The following FAM53B variants were observed in gnomAD, a reference collection of about 807,000 sequenced individuals.
FAM53B encodes the protein family with sequence similarity 53 member B.
Under a neutral mutation model 32.7 loss-of-function variants are expected in FAM53B, and 12 were observed. The ratio of observed to expected loss-of-function variants is 0.37; its 90% confidence interval spans 0.24 to 0.59. The LOEUF (loss-of-function observed/expected upper bound fraction) is 0.59. Ranked by LOEUF, FAM53B falls within the 20% of genes least tolerant of loss-of-function variation. The pLI, the probability that FAM53B is intolerant of heterozygous loss-of-function variation, is 0.72. For synonymous variants in FAM53B, 234 were observed against 228.7 expected (o/e 1.02, Z -0.21); for missense variants, 477 against 577.7 (o/e 0.83, Z 1.79).
At position 124,733,996 on chromosome 10, in the gene FAM53B, C is replaced by T. The variant is rs1162185434; in HGVS notation, c.-175+10017G>A. 6.6e-6 allele frequency among the ~76,000 whole-genome samples: 1 copy of T among 152,196 alleles called. No homozygotes were observed. Among genetic ancestry groups the T allele is most frequent in the Non-Finnish European group, 1.5e-5 (1 of 68,034 alleles). ...CTGGTCTCGAATGTCTCCTCCTCCC[C>T]GTTCTTCATCTGTCTAAACTCCTGC... On this transcript the variant is annotated intron_variant, in intron 1 of 4. Coordinates refer to ENST00000337318, the MANE Select transcript of FAM53B (RefSeq NM_014661.4). The surrounding 1 kb of genome is among the most constrained non-coding windows in gnomAD (Gnocchi z 4.3).
intron 2 of FAM53B, among the ~76,000 whole-genome samples, chr10:124,701,399 G>A (rs1949914201): frequency 6.6e-6 from 1 of 152,352 alleles, no homozygotes; most frequent in African/African-American, 2.4e-5. Flanking sequence ...GTTGTTACGT[G>A]GAAAGTCAGG....
chr10:124,642,256 T>C (rs1949480805), intron 4 of FAM53B, among the ~76,000 whole-genome samples: 1 of 152,194 alleles, frequency 6.6e-6, no homozygotes, highest in African/African-American at 2.4e-5. Flanking sequence ...CAGCAGGTCC[T>C]AGAGATCTTA....
chr10:124,719,250 G>C (rs912486759), intron 1 of FAM53B, among the ~76,000 whole-genome samples: 1 of 152,064 alleles, frequency 6.6e-6, no homozygotes, highest in African/African-American at 2.4e-5. Flanking sequence ...GGGGGAACAG[G>C]AGAAGAAAGG....
chr10:124,623,646 C>A, intron 4 of FAM53B, 42 bp from the exon 5 acceptor site: 2 of 1,569,544 alleles, frequency 1.3e-6, no homozygotes, highest in Non-Finnish European at 8.6e-7. Context: ...GGTTACTCCC[C>A]TCCCGCAGCC....
At chr10:124,671,587 C>T (rs1949707269) in intron 4 of FAM53B, among the ~76,000 whole-genome samples, 1 of 152,214 alleles carries the variant, frequency 6.6e-6, no homozygotes, top group Non-Finnish European at 1.5e-5. Context: ...ACAGCGGGGG[C>T]CTCCATACCG....
At chr10:124,626,550 T>C (rs1589729169) in intron 4 of FAM53B, among the ~76,000 whole-genome samples, 1 of 152,152 alleles carries the variant, frequency 6.6e-6, no homozygotes, top group Non-Finnish European at 1.5e-5. Context: ...GTGCCAACTA[T>C]GAAGAGCAGG....
In FAM53B at chr10:124,681,773, T is replaced by G. The variant is rs1188897377; in HGVS notation, c.740A>C (p.Asn247Thr). 3 of 1,608,900 alleles carry G rather than the reference T, an allele frequency of 1.9e-6. No homozygotes were observed. Among genetic ancestry groups the G allele is most frequent in the Non-Finnish European group, 2.5e-6 (3 of 1,177,776 alleles). Residue 247 changes from asparagine (N) to threonine (T), a missense_variant, in exon 4 of 5, where the codon AAC becomes ACC. Asn to Thr is a moderately conservative substitution (Grantham distance 65). Transcript: ENST00000337318. ...CTCTGGTGTTGAGGCAGGTGTGCTGTTGGCTGAGGGAGGACAGTATTCCAC... is the reference window on the plus strand; with the variant it reads ...CTCTGGTGTTGAGGCAGGTGTGCTGGTGGCTGAGGGAGGACAGTATTCCAC... ...SFVEYCPPSA[N>T]STPASTPELA... is the part of the protein sequence containing the mutation.
At chr10:124,701,863 T>C (rs1035950081) in intron 2 of FAM53B, among the ~76,000 whole-genome samples, 3 of 152,238 alleles carry the variant, frequency 2.0e-5, no homozygotes, top group Admixed American at 6.5e-5. Context: ...TTTCCCTTTT[T>C]CCCACATCTT....
chr10:124,720,437 G>A (rs893632516), intron 1 of FAM53B, among the ~76,000 whole-genome samples: 1 of 152,168 alleles, frequency 6.6e-6, no homozygotes, highest in Non-Finnish European at 1.5e-5. Context: ...TCCAGCCTGG[G>A]CAATAAAGTG....
rs575316302 is a variant in FAM53B at position 124,623,154 on chromosome 10, T to C, written c.*88A>G. On this transcript the variant is annotated 3_prime_UTR_variant, in exon 5 of 5. Transcript: ENST00000337318. ...AGGAAGCTTTCATCAGGCCCACGAG[T>C]TGGGCTCCCCTTCAAGGGCCCACCT... 4.1e-6 allele frequency: 6 copies of C among 1,460,634 alleles called. No homozygotes were observed. The highest frequency in any genetic ancestry group is 5.5e-6 in the Non-Finnish European group (6 of 1,093,418). The allele number at this position is 1,460,634 out of a possible 1,614,324, so 90.5% of individuals were successfully genotyped here. A position where few individuals can be genotyped will look rare whatever the true frequency, so the allele number is the denominator to read the frequency against.
chr10:124,675,404 G>T (rs1368144911), intron 4 of FAM53B, among the ~76,000 whole-genome samples: 2 of 152,158 alleles, frequency 1.3e-5, no homozygotes, highest in African/African-American at 2.4e-5. Context: ...CCAGGACACT[G>T]CCCAGAGCAG....
Position 124,619,464 on chromosome 10 carries a change from A to G in FAM53B, c.*3778T>C, listed in dbSNP as rs1167073807. 6.6e-6 allele frequency: 1 copy of G among 152,374 alleles called. No homozygotes were observed. The highest frequency in any genetic ancestry group is 1.5e-5 in the Non-Finnish European group (1 of 68,006). 9.4% of individuals were successfully genotyped at this position (152,374 alleles called of 1,614,324 possible). A position where few individuals can be genotyped will look rare whatever the true frequency, so the allele number is the denominator to read the frequency against. ...TTCTGGTCGCCACACTTCCTGAAGC[A>G]CGGCAACACCCACAACATCCAGCTC... On this transcript the variant is annotated 3_prime_UTR_variant, in exon 5 of 5. Transcript: ENST00000337318.
chr10:124,720,581 T>C (rs1476342207), intron 1 of FAM53B, among the ~76,000 whole-genome samples: 1 of 152,196 alleles, frequency 6.6e-6, no homozygotes, highest in African/African-American at 2.4e-5. Context: ...AGGTTGACAT[T>C]GAAGCACCAA....
rs376025810 is a variant in FAM53B at position 124,637,934 on chromosome 10, G to GC, written c.907-14331dup. Among the ~76,000 whole-genome samples, 761 of 152,310 alleles carry GC rather than the reference G, an allele frequency of 5.0e-3. 10 individuals are homozygous for GC. Among genetic ancestry groups the GC allele is most frequent in the African/African-American group, 0.018 (739 of 41,560 alleles). On this transcript the variant is annotated intron_variant, in intron 4 of 4. Coordinates refer to ENST00000337318, the MANE Select transcript of FAM53B (RefSeq NM_014661.4). Reference sequence around the variant, plus strand: ...AGGGAATTTCGCTCTCCATTCTGGAGCCCCCCGCACCCAGGAGCTGGTGGG... The same window carrying GC: ...AGGGAATTTCGCTCTCCATTCTGGAGCCCCCCCGCACCCAGGAGCTGGTGGG...
intron 1 of FAM53B, among the ~76,000 whole-genome samples, chr10:124,716,768 C>G (rs572965227): frequency 2.6e-5 from 4 of 151,938 alleles, no homozygotes; most frequent in East Asian, 1.9e-4. Flanking sequence ...AGGAAGGAGA[C>G]GAGGGACAAG....
chr10:124,644,604 C>A (rs1333826896), intron 4 of FAM53B, among the ~76,000 whole-genome samples: 1 of 152,198 alleles, frequency 6.6e-6, no homozygotes, highest in Non-Finnish European at 1.5e-5. Context: ...AGGAACAGCT[C>A]AGAAATGTAC....
intron 1 of FAM53B, among the ~76,000 whole-genome samples, chr10:124,725,700 T>C (rs754955763): frequency 7.2e-5 from 11 of 152,010 alleles, no homozygotes; most frequent in Non-Finnish European, 1.6e-4. Context: ...AGATGGACAG[T>C]GGATGGTGTG....
intron 4 of FAM53B, among the ~76,000 whole-genome samples, chr10:124,628,450 G>A (rs369891211): frequency 5.3e-4 from 81 of 152,336 alleles, no homozygotes; most frequent in African/African-American, 1.8e-3. Flanking sequence ...GTTCCGGAGA[G>A]GAGAGTGGGA....
At chr10:124,711,850 A>C (rs946943825) in intron 1 of FAM53B, among the ~76,000 whole-genome samples, 7 of 152,062 alleles carry the variant, frequency 4.6e-5, no homozygotes, top group African/African-American at 1.7e-4. Context: ...CCAGGAGTTC[A>C]AGACCAGCCT....
Sources: gnomAD v4.1 joint callset for allele counts (sites outside exome capture counted in the v4.1 genomes callset) on GRCh38, gnomAD v4.1.1 for gene constraint, Gnocchi (gnomAD v3.1) non-coding constraint, MANE v1.5 for transcripts, NCBI Gene and HGNC (gene_info 2026-07-23, HGNC 2026-07-21) for gene names.